Variants in GCNT2 observed in about 807,000 individuals in gnomAD.
The protein encoded by GCNT2 is glucosaminyl (N-acetyl) transferase 2 (I blood group).
Under a neutral mutation model 34.2 loss-of-function variants are expected in GCNT2, and 34 were observed. The ratio of observed to expected loss-of-function variants is 1.00; its 90% CI spans 0.76 to 1.32. The LOEUF (loss-of-function observed/expected upper bound fraction) is 1.32, where lower values mean the gene tolerates loss of function less well. Ranked by LOEUF, GCNT2 falls within the 40% of genes most tolerant of loss-of-function variation. The pLI, the probability that GCNT2 is intolerant of heterozygous loss-of-function variation, is 0.00. For missense variants in GCNT2, 584 were observed against 489.4 expected, an observed-to-expected ratio of 1.19 and a Z score of -1.82; for synonymous variants, 212 against 188.0, an observed-to-expected ratio of 1.13 and a Z score of -1.04.
chr6:10,560,310 C>CAGGCGATCCGCCCT (rs1416028403), intron 3 of GCNT2, among the ~76,000 whole-genome samples: 17 of 152,008 alleles, frequency 1.1e-4, no homozygotes, highest in African/African-American at 4.1e-4. Context: ...GGGGTAGTCT[C>CAGGCGATCCGCCCT]GAATTCCTGA....
At chr6:10,612,388 T>A (rs1208738121) in intron 3 of GCNT2, among the ~76,000 whole-genome samples, 1 of 152,176 alleles carries the variant, frequency 6.6e-6, no homozygotes, top group Non-Finnish European at 1.5e-5. Flanking sequence ...GTCTGTCACA[T>A]CTGTGGTTGG....
At chr6:10,575,177 C>T in intron 3 of GCNT2, 1 of 408,932 alleles carries the variant, frequency 2.4e-6, no homozygotes, top group Non-Finnish European at 4.7e-6. Context: ...TTCTAAAAGG[C>T]TTAGAGAACA....
At chr6:10,601,114 T>TTA (rs756616319) in intron 3 of GCNT2, among the ~76,000 whole-genome samples, 22 of 152,166 alleles carry the variant, frequency 1.4e-4, no homozygotes, top group Non-Finnish European at 2.8e-4. Context: ...TAATATCTAT[T>TTA]GAGTATTGGT....
At chr6:10,570,560 G>T (rs1213198214) in intron 3 of GCNT2, among the ~76,000 whole-genome samples, 2 of 152,114 alleles carry the variant, frequency 1.3e-5, no homozygotes, top group East Asian at 3.9e-4. Flanking sequence ...CTCTCTTCTG[G>T]ACATTTCCTG....
intron 3 of GCNT2, among the ~76,000 whole-genome samples, chr6:10,590,944 C>T (rs1764614680): frequency 6.6e-6 from 1 of 152,100 alleles, no homozygotes; most frequent in Non-Finnish European, 1.5e-5. Context: ...AACTCTTCAT[C>T]CTTTATGTCT....
At chr6:10,556,780 A>G (rs749914235) in intron 3 of GCNT2, 2 of 1,614,188 alleles carry the variant, frequency 1.2e-6, no homozygotes, top group South Asian at 1.1e-5. Context: ...ACATGCCCCA[A>G]AATATCTACT....
At chr6:10,617,803 G>A (rs1765856310) in intron 3 of GCNT2, among the ~76,000 whole-genome samples, 1 of 141,182 alleles carries the variant, frequency 7.1e-6, no homozygotes, top group Non-Finnish European at 1.5e-5. Flanking sequence ...TGCCCAGGCT[G>A]GAGTGCAGTG....
At chr6:10,624,492 C>CT (rs1554139108) in intron 4 of GCNT2, among the ~76,000 whole-genome samples, 1 of 152,180 alleles carries the variant, frequency 6.6e-6, no homozygotes, top group Non-Finnish European at 1.5e-5. Context: ...CACGATTCAA[C>CT]TATCTCCCAC....
chr6:10,546,434 G>A (rs113634995), intron 3 of GCNT2, among the ~76,000 whole-genome samples: 1,935 of 152,164 alleles, frequency 0.013, 46 homozygotes, highest in African/African-American at 0.041. Context: ...CGAGGTGGGC[G>A]GATCATGAGG....
At chr6:10,624,592 T>C (rs1320367740) in intron 4 of GCNT2, among the ~76,000 whole-genome samples, 1 of 152,204 alleles carries the variant, frequency 6.6e-6, no homozygotes, top group Non-Finnish European at 1.5e-5. Flanking sequence ...ATCACAAGGT[T>C]ATGCTAAAAC....
At position 10,607,607 on chromosome 6, in the gene GCNT2, A is replaced by G; in HGVS notation, c.926-13744A>G. Among the ~76,000 whole-genome samples the G allele has an allele frequency of 1.3e-5, 2 of 152,176 alleles. 1 individual carries two copies. Among genetic ancestry groups the G allele is most frequent in the Admixed American group, 1.3e-4 (2 of 15,270 alleles). On this transcript the variant is annotated intron_variant, in intron 3 of 4. Coordinates refer to ENST00000495262, the MANE Select transcript of GCNT2 (RefSeq NM_145649.5). ...TATGTCATGGCTTTCCATGTCATGA[A>G]GAGTTTGTCACCATAATTTTTAATA... is the stretch of plus-strand genomic sequence containing the variant.
At chr6:10,533,730 G>A (rs1344997830) in intron 3 of GCNT2, among the ~76,000 whole-genome samples, 1 of 148,766 alleles carries the variant, frequency 6.7e-6, no homozygotes, top group African/African-American at 2.5e-5. Flanking sequence ...AGAACCAGGA[G>A]GCAGAGGTTG....
At chr6:10,576,031 G>A (rs1763793945) in intron 3 of GCNT2, among the ~76,000 whole-genome samples, 1 of 152,140 alleles carries the variant, frequency 6.6e-6, no homozygotes, top group Non-Finnish European at 1.5e-5. Context: ...CTGTTTGGTG[G>A]TCTCTTCACA....
rs1232603198 is a variant in GCNT2, at chr6:10,529,392, T to C, written c.481T>C (p.Tyr161His). The C allele has an allele frequency of 6.2e-7, 1 of 1,614,020 alleles. No individual in the cohort carries two copies. The highest frequency in any genetic ancestry group is 8.5e-7 in the Non-Finnish European group (1 of 1,179,980). Residue 161 changes from tyrosine to histidine, a missense_variant, in exon 3 of 5, where the codon TAT becomes CAT. Coordinates refer to ENST00000495262, the MANE Select transcript of GCNT2 (RefSeq NM_145649.5). Reference protein sequence around the residue: ...FLASKKESVVYGGISRLQADL... With the variant: ...FLASKKESVVHGGISRLQADL... ...GGCTTCCAAGAAGGAGTCGGTTGTCTATGGGGGGATCTCCAGGCTCCAGGC... is the reference window on the plus strand; with the variant it reads ...GGCTTCCAAGAAGGAGTCGGTTGTCCATGGGGGGATCTCCAGGCTCCAGGC...
chr6:10,597,054 C>T (rs1439023865), intron 3 of GCNT2, among the ~76,000 whole-genome samples: 1 of 150,730 alleles, frequency 6.6e-6, no homozygotes, highest in Non-Finnish European at 1.5e-5. Flanking sequence ...AGTCACTGAA[C>T]AAGTTATTTA....
At chr6:10,526,447 A>G (rs1228061099) in intron 1 of GCNT2, among the ~76,000 whole-genome samples, 2 of 152,216 alleles carry the variant, frequency 1.3e-5, no homozygotes, top group African/African-American at 4.8e-5. Context: ...CAACAGGAAT[A>G]ACTCCAGGTT....
At chr6:10,551,301 G>A (rs1418081516) in intron 3 of GCNT2, among the ~76,000 whole-genome samples, 1 of 151,918 alleles carries the variant, frequency 6.6e-6, no homozygotes, top group Non-Finnish European at 1.5e-5. Flanking sequence ...ATCAGGTGCA[G>A]ATTACACCAG....
At chr6:10,621,261 A>C in intron 3 of GCNT2, 90 bp from the exon 4 acceptor site, 1 of 826,794 alleles carries the variant, frequency 1.2e-6, no homozygotes, top group Non-Finnish European at 2.1e-6. Flanking sequence ...ACTGAAAGAA[A>C]GTAAGCCTGA....
At chr6:10,600,725 G>A (rs956989176) in intron 3 of GCNT2, among the ~76,000 whole-genome samples, 1 of 152,158 alleles carries the variant, frequency 6.6e-6, no homozygotes, top group Non-Finnish European at 1.5e-5. Flanking sequence ...CAAGGTGCTC[G>A]TGAGGGTCTC....
Sources: allele counts gnomAD v4.1 joint callset (sites outside exome capture counted in the v4.1 genomes callset), GRCh38; gene constraint gnomAD v4.1.1; transcripts MANE v1.5; gene names NCBI Gene and HGNC (gene_info 2026-07-23, HGNC 2026-07-21).